KCND3: variants seen among roughly 807,000 people sequenced by gnomAD.
KCND3 encodes A-type voltage-gated potassium channel KCND3.
In KCND3, 9 loss-of-function variants were observed where a neutral mutation model predicts 51.1. The ratio of observed to expected loss-of-function variants is 0.18; its 90% CI spans 0.11 to 0.31. KCND3 has a LOEUF of 0.31. KCND3 is among the 10% of genes least tolerant of loss of function. The pLI is 1.00. For missense variants in KCND3, 526 were observed against 903.8 expected, an observed-to-expected ratio of 0.58 and a Z score of 5.36; for synonymous variants, 349 against 368.0, an observed-to-expected ratio of 0.95 and a Z score of 0.59.
rs776984646 is a variant in KCND3 at position 111,818,438 on chromosome 1, A to G, written c.1107-31332T>C. Among the ~76,000 whole-genome samples the G allele has an allele frequency of 3.3e-5, 5 of 152,226 alleles. No individual in the cohort carries two copies. In the East Asian group the frequency reaches 9.6e-4, roughly 29 times the overall value. On this transcript the variant is annotated intron_variant, in intron 2 of 7. Transcript: ENST00000302127. ...AGCTGGAGAGTGCCCCTTGGCTAAAAGGCCAAGGGGAGGCCAGGGAGAAAC... is the reference window on the plus strand; with the variant it reads ...AGCTGGAGAGTGCCCCTTGGCTAAAGGGCCAAGGGGAGGCCAGGGAGAAAC...
intron 2 of KCND3, among the ~76,000 whole-genome samples, chr1:111,866,579 A>AACACACACAC (rs771342858): frequency 0.11 from 14,354 of 126,630 alleles, 1,052 homozygotes; most frequent in Middle Eastern, 0.15. Flanking sequence ...TGTTTCTTTA[A>AACACACACAC]ACACACACAC....
At chr1:111,874,918 C>T (rs1668985752) in intron 2 of KCND3, among the ~76,000 whole-genome samples, 1 of 152,218 alleles carries the variant, frequency 6.6e-6, no homozygotes, top group Non-Finnish European at 1.5e-5. Flanking sequence ...CAACTAACTC[C>T]TCACCTACCT....
chr1:111,939,580 A>G (rs1404852328), intron 2 of KCND3, among the ~76,000 whole-genome samples: 1 of 152,162 alleles, frequency 6.6e-6, no homozygotes, highest in Non-Finnish European at 1.5e-5. Flanking sequence ...GCTGCATAGT[A>G]TTCCATGGTG....
chr1:111,915,669 C>T (rs985014088), intron 2 of KCND3, among the ~76,000 whole-genome samples: 3 of 148,258 alleles, frequency 2.0e-5, no homozygotes, highest in East Asian at 2.0e-4. Flanking sequence ...AGGAGAATGG[C>T]GTGAACCCAG....
chr1:111,846,915 C>G (rs2101654044), intron 2 of KCND3, among the ~76,000 whole-genome samples: 1 of 152,320 alleles, frequency 6.6e-6, no homozygotes, highest in African/African-American at 2.4e-5. Flanking sequence ...TAACTCACAG[C>G]ACGGTAGTAC....
intron 2 of KCND3, among the ~76,000 whole-genome samples, chr1:111,964,451 G>A (rs1264192756): frequency 1.4e-4 from 1 of 7,122 alleles, no homozygotes; most frequent in East Asian, 6.0e-3. Flanking sequence ...TCCTGAGGCA[G>A]CTGGTGGGGT....
chr1:111,881,637 CGGGGCAGCCCCT>C (rs1669327829), intron 2 of KCND3, among the ~76,000 whole-genome samples: 1 of 152,154 alleles, frequency 6.6e-6, no homozygotes, highest in African/African-American at 2.4e-5. Flanking sequence ...CATGGGAGTC[CGGGGCAGCCCCT>C]GGGGCAGGGC....
intron 2 of KCND3, among the ~76,000 whole-genome samples, chr1:111,882,458 T>C (rs1669377960): frequency 1.3e-5 from 2 of 152,242 alleles, no homozygotes; most frequent in South Asian, 4.1e-4. Context: ...GAGAACACTG[T>C]GCAGATTCCA....
intron 2 of KCND3, among the ~76,000 whole-genome samples, chr1:111,831,008 A>G (rs1666806690): frequency 6.6e-6 from 1 of 152,218 alleles, no homozygotes; most frequent in South Asian, 2.1e-4. Context: ...GGTTGCATGA[A>G]TTTTGTGACT....
intron 2 of KCND3, among the ~76,000 whole-genome samples, chr1:111,895,719 G>GAGGGGGCC (rs1670076066): frequency 6.6e-6 from 1 of 152,236 alleles, no homozygotes; most frequent in Non-Finnish European, 1.5e-5. Context: ...GTGGGGAGTG[G>GAGGGGGCC]AGGGGGCCAG....
chr1:111,866,267 T>TTTTTTTTTTTTTTTTTTTTTTTTA (rs1668565710), intron 2 of KCND3, among the ~76,000 whole-genome samples: 1 of 61,560 alleles, frequency 1.6e-5, no homozygotes. Flanking sequence ...TCTTTTCTTT[T>TTTTTTTTTTTTTTTTTTTTTTTTA]TTTTTTTTTT....
chr1:111,923,252 G>C (rs1382176303), intron 2 of KCND3, among the ~76,000 whole-genome samples: 1 of 152,158 alleles, frequency 6.6e-6, no homozygotes, highest in African/African-American at 2.4e-5. Context: ...AATAGATATG[G>C]GTTGCATCCT....
chr1:111,774,013 G>C lies in KCND3; in HGVS notation c.*2064C>G, dbSNP rs1221999853. The C allele has an allele frequency of 6.6e-6, 1 of 152,250 alleles. No individual in the cohort carries two copies. The highest frequency in any genetic ancestry group is 2.4e-5 in the African/African-American group (1 of 41,428). 9.4% of individuals were successfully genotyped at this position (152,250 alleles called of 1,614,324 possible). ...CTTAGTCTGTAAGCTCAGAGGGCAAGAACCACTCCATTCCCACATTAGGGG... is the reference window on the plus strand; with the variant it reads ...CTTAGTCTGTAAGCTCAGAGGGCAACAACCACTCCATTCCCACATTAGGGG... On this transcript the variant is annotated 3_prime_UTR_variant, in exon 8 of 8. Coordinates refer to ENST00000302127, the MANE Select transcript of KCND3 (RefSeq NM_001378969.1).
chr1:111,800,938 A>G (rs1360427074), intron 2 of KCND3, among the ~76,000 whole-genome samples: 1 of 152,230 alleles, frequency 6.6e-6, no homozygotes, highest in Admixed American at 6.5e-5. Context: ...TTATCTCTCC[A>G]GGCCTTGAGA....
intron 2 of KCND3, among the ~76,000 whole-genome samples, chr1:111,804,864 C>G (rs1665489345): frequency 6.6e-6 from 1 of 152,258 alleles, no homozygotes; most frequent in Non-Finnish European, 1.5e-5. Context: ...GGCGGTCTGC[C>G]TCAGGCGCCT....
At chr1:111,835,251 C>T (rs987941535) in intron 2 of KCND3, among the ~76,000 whole-genome samples, 4 of 152,154 alleles carry the variant, frequency 2.6e-5, no homozygotes, top group South Asian at 2.1e-4. Flanking sequence ...GGTGGGTAGG[C>T]GGTTGGAGGG....
intron 2 of KCND3, among the ~76,000 whole-genome samples, chr1:111,847,083 C>T (rs992894228): frequency 5.9e-5 from 9 of 152,344 alleles, no homozygotes; most frequent in African/African-American, 1.9e-4. Flanking sequence ...GGAAGGCATG[C>T]TCATGCCTGA....
At chr1:111,867,318 A>C (rs1340747888) in intron 2 of KCND3, among the ~76,000 whole-genome samples, 1 of 151,668 alleles carries the variant, frequency 6.6e-6, no homozygotes, top group East Asian at 1.9e-4. Flanking sequence ...GTGTTTGTGG[A>C]TGCAAATAGA....
intron 2 of KCND3, among the ~76,000 whole-genome samples, chr1:111,868,652 T>C (rs1668693260): frequency 6.6e-6 from 1 of 152,240 alleles, no homozygotes; most frequent in South Asian, 2.1e-4. Flanking sequence ...TACTGCTTCA[T>C]GCATAGATTT....
Sources: allele counts gnomAD v4.1 joint callset (sites outside exome capture counted in the v4.1 genomes callset), GRCh38; gene constraint gnomAD v4.1.1; transcripts MANE v1.5; gene names NCBI Gene and HGNC (gene_info 2026-07-23, HGNC 2026-07-21).